The following SSBP3 variants were observed in gnomAD, a reference collection of about 807,000 sequenced individuals.
SSBP3 encodes single stranded DNA binding protein 3, also known as single-stranded DNA-binding protein 3.
Under a neutral mutation model 69.6 loss-of-function variants are expected in SSBP3, and 5 were observed. That is an observed-to-expected ratio of 0.07 (90% CI 0.04 to 0.15). SSBP3 has a LOEUF of 0.15. Among genes scored for constraint, SSBP3 ranks in the 10% least tolerant of loss-of-function variants. The probability of loss-of-function intolerance (pLI) is 1.00; values close to 1 mark genes in which losing one functional copy is unlikely to be tolerated. For missense variants in SSBP3, 312 were observed against 534.0 expected (o/e 0.58, Z 4.10); for synonymous variants, 196 against 193.4 (o/e 1.01, Z -0.11).
intron 4 of SSBP3, among the ~76,000 whole-genome samples, chr1:54,288,999 G>C (rs551156464): frequency 8.7e-6 from 1 of 115,166 alleles, no homozygotes; most frequent in Non-Finnish European, 1.6e-5. Context: ...CAGCCTGGGC[G>C]ACAGAGCTAG....
At chr1:54,307,475 T>C (rs1252912657) in intron 4 of SSBP3, among the ~76,000 whole-genome samples, 1 of 152,222 alleles carries the variant, frequency 6.6e-6, no homozygotes, top group African/African-American at 2.4e-5. Context: ...CCTCTGGCTC[T>C]ACTAGACTTG....
At chr1:54,288,949 G>C (rs1645544004) in intron 4 of SSBP3, among the ~76,000 whole-genome samples, 1 of 149,534 alleles carries the variant, frequency 6.7e-6, no homozygotes, top group Non-Finnish European at 1.5e-5. Context: ...GAACCCGGGA[G>C]GTGGAGCTTG....
intron 9 of SSBP3, 91 bp from the exon 10 acceptor site, chr1:54,243,390 G>C: frequency 2.1e-6 from 3 of 1,444,290 alleles, no homozygotes; most frequent in East Asian, 2.3e-5. Flanking sequence ...CATAGTGAGA[G>C]GGTTAGTCTG....
intron 14 of SSBP3, among the ~76,000 whole-genome samples, chr1:54,231,584 A>C (rs2100565932): frequency 6.6e-6 from 1 of 152,368 alleles, no homozygotes; most frequent in Non-Finnish European, 1.5e-5. Flanking sequence ...GCATCTAAGA[A>C]GGCTTTGCTT....
chr1:54,267,261 TACAACA>T (rs1645117979), intron 5 of SSBP3, among the ~76,000 whole-genome samples: 1 of 152,194 alleles, frequency 6.6e-6, no homozygotes, highest in Non-Finnish European at 1.5e-5. Flanking sequence ...CATGTATCCA[TACAACA>T]GGGCACTCTT....
chr1:54,235,517 G>A (rs1484276284), intron 14 of SSBP3, among the ~76,000 whole-genome samples: 1 of 131,958 alleles, frequency 7.6e-6, no homozygotes, highest in Non-Finnish European at 1.5e-5. Context: ...GCGCAGCGTT[G>A]CAATCTCAGC....
At position 54,263,715 on chromosome 1, in the gene SSBP3, G is replaced by A. The variant is rs187896812; in HGVS notation, c.367-5566C>T. ...CTTTCCTTACTCCATGTCTGGGGGT[G>A]CCATGTGGACCCCTCCAGGCCAGGC... On this transcript the variant is annotated intron_variant, in intron 5 of 17. Coordinates refer to ENST00000610401, the Ensembl canonical transcript of SSBP3. Among the ~76,000 whole-genome samples, 456 of 152,322 alleles carry A rather than the reference G, an allele frequency of 3.0e-3. 1 individual carries two copies. The highest frequency in any genetic ancestry group is 5.2e-3 in the Non-Finnish European group (352 of 68,034).
intron 14 of SSBP3, among the ~76,000 whole-genome samples, chr1:54,230,940 C>G (rs184010009): frequency 1.5e-3 from 228 of 152,336 alleles, no homozygotes; most frequent in African/African-American, 5.3e-3. Flanking sequence ...GTTATTTTCA[C>G]TGTCTGACTA....
intron 4 of SSBP3, among the ~76,000 whole-genome samples, chr1:54,316,670 AAATAAATAAAT>A (rs1646113921): frequency 2.1e-5 from 1 of 46,512 alleles, no homozygotes; most frequent in East Asian, 6.6e-4. Flanking sequence ...TAAAATAAAT[AAATAAATAAAT>A]AAATAAATAA....
chr1:54,240,965 G>A lies in SSBP3; in HGVS notation c.802-6C>T. 6.2e-7 allele frequency: 1 copy of A among 1,607,456 alleles called. No individual in the cohort carries two copies. Among genetic ancestry groups the A allele is most frequent in the Non-Finnish European group, 8.5e-7 (1 of 1,176,844 alleles). ...CCGCCACCACCAGGGGGTCCCTAAA[G>A]ATGAGACAAAACTGACATCAGACAC... On this transcript the variant is annotated splice_polypyrimidine_tract_variant and splice_region_variant and intron_variant, in intron 12 of 17. Coordinates refer to ENST00000610401, the Ensembl canonical transcript of SSBP3.
chr1:54,358,012 C>T (rs977326279), intron 4 of SSBP3, among the ~76,000 whole-genome samples: 3 of 152,220 alleles, frequency 2.0e-5, no homozygotes, highest in African/African-American at 7.2e-5. Flanking sequence ...CCTTAATCCA[C>T]TCGTGGGCAG....
chr1:54,408,664 A>T (rs556171438), upstream of SSBP3, among the ~76,000 whole-genome samples: 1 of 152,228 alleles, frequency 6.6e-6, no homozygotes, highest in African/African-American at 2.4e-5. Context: ...CAAATGGCAA[A>T]GGGAGGTTAG....
chr1:54,255,468 G>A (rs936500631), intron 7 of SSBP3: 3 of 152,200 alleles, frequency 2.0e-5, no homozygotes, highest in East Asian at 1.9e-4. Flanking sequence ...TAAAAACACA[G>A]ATGGGGGCAG....
chr1:54,408,756 C>G (rs1406766261), upstream of SSBP3, among the ~76,000 whole-genome samples: 4 of 152,266 alleles, frequency 2.6e-5, no homozygotes, highest in African/African-American at 7.2e-5. Flanking sequence ...CTACCACCAC[C>G]CTGGAAAAAG....
At chr1:54,260,929 C>G (rs901405423) in intron 5 of SSBP3, among the ~76,000 whole-genome samples, 6 of 152,256 alleles carry the variant, frequency 3.9e-5, no homozygotes, top group Non-Finnish European at 5.9e-5. Flanking sequence ...CAGTGCCCAC[C>G]TCCTCAGGGC....
At chr1:54,374,081 C>T (rs1647178076) in intron 4 of SSBP3, among the ~76,000 whole-genome samples, 1 of 152,208 alleles carries the variant, frequency 6.6e-6, no homozygotes, top group Non-Finnish European at 1.5e-5. Flanking sequence ...CTCAAAGAGC[C>T]CAATGGGCAC....
chr1:54,386,141 C>T lies in SSBP3; in HGVS notation c.276+15720G>A, dbSNP rs1648063873. ...GGGGTTCAGTGCAGTTCTAGAGGCACAGATGTTTAGGGTGGCTCTCCCTCA... is the reference window on the plus strand; with the variant it reads ...GGGGTTCAGTGCAGTTCTAGAGGCATAGATGTTTAGGGTGGCTCTCCCTCA... On this transcript the variant is annotated intron_variant, in intron 4 of 17. Coordinates refer to ENST00000610401, the Ensembl canonical transcript of SSBP3. 2.0e-5 allele frequency among the ~76,000 whole-genome samples: 3 copies of T among 152,146 alleles called. 1 individual carries two copies. The highest frequency in any genetic ancestry group is 4.1e-4 in the South Asian group (2 of 4,826).
intron 4 of SSBP3, among the ~76,000 whole-genome samples, chr1:54,296,551 C>T (rs901420393): frequency 1.3e-4 from 20 of 152,198 alleles, no homozygotes; most frequent in African/African-American, 4.3e-4. Flanking sequence ...ATGTGGCCTC[C>T]GGTCCATACA....
At chr1:54,233,381 C>T (rs1306482347) in intron 14 of SSBP3, among the ~76,000 whole-genome samples, 5 of 147,522 alleles carry the variant, frequency 3.4e-5, no homozygotes, top group South Asian at 2.2e-4. Flanking sequence ...CCCCTCTGCC[C>T]GGCAGCTGCC....
Sources: gnomAD v4.1 joint callset for allele counts (sites outside exome capture counted in the v4.1 genomes callset) on GRCh38, gnomAD v4.1.1 for gene constraint, MANE v1.5 for transcripts, NCBI Gene and HGNC (gene_info 2026-07-23, HGNC 2026-07-21) for gene names.